NFIA: variants seen among roughly 807,000 people sequenced by gnomAD.
NFIA encodes nuclear factor I A, also known as nuclear factor 1 A-type.
Under a neutral mutation model 62.8 loss-of-function variants are expected in NFIA, and 8 were observed. The ratio of observed to expected loss-of-function variants is 0.13; its 90% CI spans 0.07 to 0.23. The LOEUF is 0.23. Among genes scored for constraint, NFIA ranks in the 10% least tolerant of loss-of-function variants. The probability of loss-of-function intolerance (pLI) is 1.00; values close to 1 mark genes in which losing one functional copy is unlikely to be tolerated. For synonymous variants in NFIA, 235 were observed against 238.1 expected (o/e 0.99, Z 0.12); for missense variants, 410 against 642.1 (o/e 0.64, Z 3.91).
intron 3 of NFIA, among the ~76,000 whole-genome samples, chr1:61,310,193 A>G (rs556284474): frequency 1.2e-4 from 18 of 152,082 alleles, no homozygotes; most frequent in African/African-American, 4.1e-4. Context: ...CGATGGCCAC[A>G]TTTTCTGCTG....
chr1:61,280,043 G>T (rs1301265507), intron 3 of NFIA, among the ~76,000 whole-genome samples: 1 of 152,230 alleles, frequency 6.6e-6, no homozygotes, highest in Non-Finnish European at 1.5e-5. Context: ...AGAAAAAGTA[G>T]TAGAAGCTGG....
At chr1:61,228,978 AC>A (rs1654500947) in intron 2 of NFIA, among the ~76,000 whole-genome samples, 2 of 152,148 alleles carry the variant, frequency 1.3e-5, no homozygotes, top group South Asian at 4.2e-4. Context: ...AATTATTTCA[AC>A]CTTAAAAGAA....
At chr1:61,286,998 G>T (rs149402100) in intron 3 of NFIA, among the ~76,000 whole-genome samples, 1 of 152,306 alleles carries the variant, frequency 6.6e-6, no homozygotes, top group East Asian at 1.9e-4. Flanking sequence ...GGAGAGAATA[G>T]TTGCAGATGA....
chr1:61,418,252 C>T (rs1196954591), intron 9 of NFIA, among the ~76,000 whole-genome samples: 2 of 151,966 alleles, frequency 1.3e-5, no homozygotes, highest in African/African-American at 4.8e-5. Context: ...TGGCTTGAGC[C>T]CAGGAGTTCA....
rs567992013 is a variant in NFIA at position 61,459,260 on chromosome 1, G to C, written c.*3940G>C. ...GCAAAGATGAGTCCCTCAAATTTCTGTGTTTTTTGTTTGTTTGTTTGTTTG... is the reference window on the plus strand; with the variant it reads ...GCAAAGATGAGTCCCTCAAATTTCTCTGTTTTTTGTTTGTTTGTTTGTTTG... On this transcript the variant is annotated 3_prime_UTR_variant, in exon 11 of 11. Coordinates refer to ENST00000403491, the MANE Select transcript of NFIA (RefSeq NM_001134673.4). 2 of 148,150 alleles carry C rather than the reference G, an allele frequency of 1.3e-5. No individual in the cohort carries two copies. Among genetic ancestry groups the C allele is most frequent in the African/African-American group, 5.3e-5 (2 of 37,612 alleles). The allele number at this position is 148,150 out of a possible 1,614,324, so 9.2% of individuals were successfully genotyped here.
chr1:61,236,172 G>C (rs948235910), intron 2 of NFIA, among the ~76,000 whole-genome samples: 1 of 150,978 alleles, frequency 6.6e-6, no homozygotes, highest in African/African-American at 2.4e-5. Flanking sequence ...AAAAAAAAAA[G>C]GTGGAAAGAG....
intron 3 of NFIA, among the ~76,000 whole-genome samples, chr1:61,310,663 A>G (rs191297435): frequency 3.4e-4 from 51 of 152,220 alleles, no homozygotes; most frequent in Non-Finnish European, 6.5e-4. Flanking sequence ...TCCCAGCTCC[A>G]GCCATCACAA....
At chr1:61,110,761 CAT>C (rs1174368738) in intron 2 of NFIA, among the ~76,000 whole-genome samples, 1 of 152,066 alleles carries the variant, frequency 6.6e-6, no homozygotes, top group African/African-American at 2.4e-5. Context: ...TTGGCTGAGA[CAT>C]AATTTTGACA....
At chr1:61,340,293 T>C (rs142684988) in intron 4 of NFIA, among the ~76,000 whole-genome samples, 63 of 152,360 alleles carry the variant, frequency 4.1e-4, no homozygotes, top group African/African-American at 1.2e-3. Flanking sequence ...TTATGCTTTC[T>C]ATGTGTCAAG....
chr1:61,272,983 G>A (rs372209778), intron 2 of NFIA, among the ~76,000 whole-genome samples: 4 of 152,170 alleles, frequency 2.6e-5, no homozygotes, highest in African/African-American at 9.7e-5. Context: ...TATGCATGTA[G>A]GGAGGCTGAA....
At chr1:61,297,269 A>G (rs1659237951) in intron 3 of NFIA, among the ~76,000 whole-genome samples, 1 of 152,118 alleles carries the variant, frequency 6.6e-6, no homozygotes, top group South Asian at 2.1e-4. Flanking sequence ...GGTGTGTGTA[A>G]ATGTTTTTAT....
rs145748599 is a variant in NFIA at position 61,334,730 on chromosome 1, G to A, written c.700+2144G>A. Among the ~76,000 whole-genome samples, 144 of 151,470 alleles carry A rather than the reference G, an allele frequency of 9.5e-4. 1 individual carries two copies. Among genetic ancestry groups the A allele is most frequent in the African/African-American group, 3.3e-3 (138 of 41,226 alleles). ...GAAAATCCTTTTAAGCGTAAGATTGGAGCACTAGCCATTTTATTCTGCCCT... is the reference window on the plus strand; with the variant it reads ...GAAAATCCTTTTAAGCGTAAGATTGAAGCACTAGCCATTTTATTCTGCCCT... On this transcript the variant is annotated intron_variant, in intron 4 of 10. Transcript: ENST00000403491.
chr1:61,341,800 C>G (rs928300466), intron 4 of NFIA, among the ~76,000 whole-genome samples: 2 of 152,152 alleles, frequency 1.3e-5, no homozygotes, highest in African/African-American at 4.8e-5. Context: ...TTTAATAAAC[C>G]TTTATTTATG....
intron 2 of NFIA, among the ~76,000 whole-genome samples, chr1:61,175,149 T>G (rs1650247770): frequency 1.3e-5 from 2 of 151,774 alleles, no homozygotes; most frequent in Admixed American, 1.3e-4. Flanking sequence ...TTATTATTAT[T>G]ATTATTTTTT....
chr1:61,411,994 T>G (rs530812949), intron 9 of NFIA, among the ~76,000 whole-genome samples: 1 of 152,110 alleles, frequency 6.6e-6, no homozygotes, highest in African/African-American at 2.4e-5. Context: ...TTATAAGGAC[T>G]TCAGCATTTA....
chr1:61,335,439 C>T (rs1367360629), intron 4 of NFIA, among the ~76,000 whole-genome samples: 2 of 152,184 alleles, frequency 1.3e-5, no homozygotes, highest in Admixed American at 6.5e-5. Flanking sequence ...GCAAGGCTGC[C>T]CTCTTCCTTG....
chr1:61,452,718 C>G (rs532738010), intron 10 of NFIA, among the ~76,000 whole-genome samples: 1 of 152,154 alleles, frequency 6.6e-6, no homozygotes, highest in Non-Finnish European at 1.5e-5. Flanking sequence ...AGAGTTGCAG[C>G]GTGCAGCCCA....
At chr1:61,162,611 G>T (rs1231237985) in intron 2 of NFIA, among the ~76,000 whole-genome samples, 2 of 152,140 alleles carry the variant, frequency 1.3e-5, no homozygotes, top group Non-Finnish European at 2.9e-5. Flanking sequence ...TATCATGATA[G>T]ATTATGCTGG....
intron 2 of NFIA, among the ~76,000 whole-genome samples, chr1:61,155,043 C>G (rs776944848): frequency 1.7e-4 from 26 of 152,140 alleles, no homozygotes; most frequent in Non-Finnish European, 2.9e-4. Context: ...CCTTAAATCT[C>G]CCTAGGCCTT....
Sources: gnomAD v4.1 joint callset for allele counts (sites outside exome capture counted in the v4.1 genomes callset) on GRCh38, gnomAD v4.1.1 for gene constraint, MANE v1.5 for transcripts, NCBI Gene and HGNC (gene_info 2026-07-23, HGNC 2026-07-21) for gene names.